The following SUCLG2 variants were observed in gnomAD, a reference collection of about 807,000 sequenced individuals.
The protein encoded by SUCLG2 is succinate--CoA ligase [GDP-forming] subunit beta, mitochondrial.
In SUCLG2, 42 loss-of-function variants were observed where a neutral mutation model predicts 47.9. That is an observed-to-expected ratio of 0.88 (90% CI 0.69 to 1.14). The LOEUF (loss-of-function observed/expected upper bound fraction) is 1.14, where lower values mean the gene tolerates loss of function less well. Among genes scored for constraint, SUCLG2 ranks in the 50% most tolerant of loss-of-function variants. The pLI, the probability that SUCLG2 is intolerant of heterozygous loss-of-function variation, is 0.00. For missense variants in SUCLG2, 571 were observed against 525.9 expected, an observed-to-expected ratio of 1.09 and a Z score of -0.84; for synonymous variants, 195 against 197.3, an observed-to-expected ratio of 0.99 and a Z score of 0.10.
intron 2 of SUCLG2, among the ~76,000 whole-genome samples, chr3:67,549,457 C>T (rs146919772): frequency 0.01 from 1,527 of 152,258 alleles, 17 homozygotes; most frequent in Middle Eastern, 0.024. Flanking sequence ...GAGTACATTA[C>T]TTTTTGCAAA....
chr3:67,520,684 T>C, intron 4 of SUCLG2, 50 bp from the exon 5 acceptor site: 1 of 1,552,466 alleles, frequency 6.4e-7, no homozygotes, highest in Non-Finnish European at 8.7e-7. Context: ...AGCTGATTTC[T>C]ACTTGGAAAT....
intron 10 of SUCLG2, among the ~76,000 whole-genome samples, chr3:67,396,598 G>A (rs1159236281): frequency 6.6e-6 from 1 of 152,108 alleles, no homozygotes; most frequent in Non-Finnish European, 1.5e-5. Flanking sequence ...GAGGTACAAG[G>A]AGGAACTGGT....
At chr3:67,568,875 A>G (rs907039467) in intron 2 of SUCLG2, among the ~76,000 whole-genome samples, 3 of 152,242 alleles carry the variant, frequency 2.0e-5, no homozygotes, top group Admixed American at 6.5e-5. Context: ...CGACAGAGCG[A>G]GACTCCGTCT....
At chr3:67,469,173 T>C (rs1271591422) in intron 9 of SUCLG2, among the ~76,000 whole-genome samples, 2 of 152,128 alleles carry the variant, frequency 1.3e-5, no homozygotes, top group Non-Finnish European at 2.9e-5. Flanking sequence ...GGCTGGCGAG[T>C]TGGGCATGGG....
chr3:67,481,050 C>T (rs1421717615), intron 9 of SUCLG2, among the ~76,000 whole-genome samples: 1 of 152,100 alleles, frequency 6.6e-6, no homozygotes. Context: ...ATATCATCTA[C>T]ACTCATAGAG....
rs114466728 is a variant in SUCLG2, at chr3:67,627,589, A to C, written c.85-17993T>G. On this transcript the variant is annotated intron_variant, in intron 1 of 10. Coordinates refer to ENST00000307227, the MANE Select transcript of SUCLG2 (RefSeq NM_003848.4). Reference sequence around the variant, plus strand: ...GCTCTGCGGGGCTGATAATCCTGCAAATTACTTTCTCTTTCGCCATCTGGC... The same window carrying C: ...GCTCTGCGGGGCTGATAATCCTGCACATTACTTTCTCTTTCGCCATCTGGC... Among the ~76,000 whole-genome samples, 338 of 152,276 alleles carry C rather than the reference A, an allele frequency of 2.2e-3. 2 individuals carry two copies. Among genetic ancestry groups the C allele is most frequent in the African/African-American group, 7.6e-3 (317 of 41,560 alleles).
At chr3:67,386,138 G>A (rs1702252304) in intron 10 of SUCLG2, among the ~76,000 whole-genome samples, 1 of 152,152 alleles carries the variant, frequency 6.6e-6, no homozygotes, top group African/African-American at 2.4e-5. Context: ...ACCCAGACTG[G>A]AGTGCAGTGG....
chr3:67,542,829 C>G (rs987436604), intron 2 of SUCLG2, among the ~76,000 whole-genome samples: 4 of 152,132 alleles, frequency 2.6e-5, no homozygotes, highest in Non-Finnish European at 5.9e-5. Context: ...AAAGCAAATG[C>G]TTAGAGACCT....
intron 2 of SUCLG2, among the ~76,000 whole-genome samples, chr3:67,574,407 C>T (rs1490875721): frequency 1.3e-5 from 2 of 152,132 alleles, no homozygotes; most frequent in Non-Finnish European, 2.9e-5. Flanking sequence ...AATCGAGAGG[C>T]CAGAAATAAA....
At chr3:67,620,587 A>G (rs1491002013) in intron 1 of SUCLG2, among the ~76,000 whole-genome samples, 2 of 149,684 alleles carry the variant, frequency 1.3e-5, no homozygotes, top group African/African-American at 4.9e-5. Flanking sequence ...TCCATCTCAA[A>G]AAAAAAAAAA....
At chr3:67,602,508 G>A (rs934110516) in intron 2 of SUCLG2, among the ~76,000 whole-genome samples, 1 of 152,088 alleles carries the variant, frequency 6.6e-6, no homozygotes, top group African/African-American at 2.4e-5. Context: ...CTAGCACAGA[G>A]AAATTCTAAG....
rs62256365 is a variant in SUCLG2 at position 67,377,458 on chromosome 3, C to G, written c.1184-1599G>C. On this transcript the variant is annotated intron_variant, in intron 10 of 10. Coordinates refer to ENST00000307227, the MANE Select transcript of SUCLG2 (RefSeq NM_003848.4). Reference sequence around the variant, plus strand: ...AGTGCTATTGCTGGAAAGCAGCTGCCCAGCCAGAAACTACATTTCCCAGGC... The same window carrying G: ...AGTGCTATTGCTGGAAAGCAGCTGCGCAGCCAGAAACTACATTTCCCAGGC... Among the ~76,000 whole-genome samples the G allele has an allele frequency of 6.3e-3, 927 of 147,180 alleles. 4 individuals carry two copies. Among genetic ancestry groups the G allele is most frequent in the Non-Finnish European group, 9.7e-3 (645 of 66,538 alleles).
intron 10 of SUCLG2, among the ~76,000 whole-genome samples, chr3:67,366,224 G>T (rs915965410): frequency 1.8e-4 from 27 of 152,164 alleles, no homozygotes; most frequent in Non-Finnish European, 2.9e-4. Context: ...CACTTTGGGA[G>T]GCTGAGGCAG....
downstream of SUCLG2, among the ~76,000 whole-genome samples, chr3:67,371,589 A>G (rs910321846): frequency 2.6e-5 from 4 of 152,156 alleles, no homozygotes; most frequent in Non-Finnish European, 5.9e-5. Context: ...TGCCATTCAC[A>G]TTGTAGTCCA....
intron 2 of SUCLG2, among the ~76,000 whole-genome samples, chr3:67,534,768 C>CAAAAAAAAAAAAAAAAAAAAAAA (rs60612549): frequency 2.9e-5 from 1 of 34,946 alleles, no homozygotes; most frequent in African/African-American, 8.8e-5. Flanking sequence ...ACACTGATGG[C>CAAAAAAAAAAAAAAAAAAAAAAA]AAAAAAAAAA....
At chr3:67,366,093 A>T (rs1440344632) in intron 10 of SUCLG2, among the ~76,000 whole-genome samples, 1 of 152,160 alleles carries the variant, frequency 6.6e-6, no homozygotes, top group African/African-American at 2.4e-5. Flanking sequence ...ACACTAACAT[A>T]TACATGAACA....
At chr3:67,384,937 A>T (rs1325964051) in intron 10 of SUCLG2, among the ~76,000 whole-genome samples, 1 of 152,174 alleles carries the variant, frequency 6.6e-6, no homozygotes, top group Non-Finnish European at 1.5e-5. Context: ...GTCTTTCCCC[A>T]TAGGTAGTTC....
At chr3:67,617,270 A>G (rs1018932441) in intron 1 of SUCLG2, among the ~76,000 whole-genome samples, 1 of 152,246 alleles carries the variant, frequency 6.6e-6, no homozygotes, top group African/African-American at 2.4e-5. Flanking sequence ...AGGAAAAATA[A>G]TAATACCAAT....
At chr3:67,577,102 AG>A (rs1405578353) in intron 2 of SUCLG2, among the ~76,000 whole-genome samples, 2 of 152,206 alleles carry the variant, frequency 1.3e-5, no homozygotes, top group African/African-American at 2.4e-5. Flanking sequence ...TGGGAGGCTG[AG>A]GTGAGCAGAT....
Sources: allele counts gnomAD v4.1 joint callset (sites outside exome capture counted in the v4.1 genomes callset), GRCh38; gene constraint gnomAD v4.1.1; transcripts MANE v1.5; gene names NCBI Gene and HGNC (gene_info 2026-07-23, HGNC 2026-07-21).